KCNJ6: variants seen among roughly 807,000 people sequenced by gnomAD.
KCNJ6 encodes potassium inwardly rectifying channel subfamily J member 6, also known as G protein-activated inward rectifier potassium channel 2.
Under a neutral mutation model 34.2 loss-of-function variants are expected in KCNJ6, and 9 were observed. The ratio of observed to expected loss-of-function variants is 0.26; its 90% confidence interval spans 0.16 to 0.46. The LOEUF is 0.46. Among genes scored for constraint, KCNJ6 ranks in the 20% least tolerant of loss-of-function variants. The pLI, the probability that KCNJ6 is intolerant of heterozygous loss-of-function variation, is 1.00. For missense variants in KCNJ6, 236 were observed against 531.3 expected (o/e 0.44, Z 5.46); for synonymous variants, 196 against 207.1 (o/e 0.95, Z 0.46).
At position 37,883,402 on chromosome 21, in the gene KCNJ6, G is replaced by T. The variant is rs1344685071; in HGVS notation, c.-28+32482C>A. ...GGAATAGAGCCTGCAGACCCCTACAGATTACCCCTTTTAGCCCCAGCAGGA... is the reference window on the plus strand; with the variant it reads ...GGAATAGAGCCTGCAGACCCCTACATATTACCCCTTTTAGCCCCAGCAGGA... On this transcript the variant is annotated intron_variant, in intron 1 of 3. Coordinates refer to ENST00000609713, the MANE Select transcript of KCNJ6 (RefSeq NM_002240.5). Among the ~76,000 whole-genome samples the T allele has an allele frequency of 2.6e-5, 4 of 152,178 alleles. No individual in the cohort carries two copies. In the East Asian group the frequency reaches 7.7e-4, roughly 29 times the overall value.
chr21:37,647,606 C>T (rs1332956678), intron 3 of KCNJ6, among the ~76,000 whole-genome samples: 1 of 152,160 alleles, frequency 6.6e-6, no homozygotes, highest in East Asian at 1.9e-4. Context: ...TAATCCCCCC[C>T]AGAGTTAGGC....
At chr21:37,760,868 G>A (rs938082552) in intron 2 of KCNJ6, among the ~76,000 whole-genome samples, 1 of 152,170 alleles carries the variant, frequency 6.6e-6, no homozygotes, top group African/African-American at 2.4e-5. Context: ...TTCTGGAGGC[G>A]GGGTGGGGAA....
At chr21:37,802,832 G>A (rs1371714914) in intron 2 of KCNJ6, among the ~76,000 whole-genome samples, 1 of 152,168 alleles carries the variant, frequency 6.6e-6, no homozygotes, top group Non-Finnish European at 1.5e-5. Flanking sequence ...GACCTGCTTG[G>A]AAACACATCA....
At chr21:37,655,899 C>G (rs911325487) in intron 3 of KCNJ6, among the ~76,000 whole-genome samples, 1 of 152,158 alleles carries the variant, frequency 6.6e-6, no homozygotes, top group African/African-American at 2.4e-5. Flanking sequence ...TGGAACTTCC[C>G]CTATGTCTCT....
At chr21:37,696,849 ATATC>A (rs764593796) in intron 3 of KCNJ6, among the ~76,000 whole-genome samples, 23 of 152,240 alleles carry the variant, frequency 1.5e-4, no homozygotes, top group African/African-American at 5.3e-4. Context: ...ATGTGTGTCT[ATATC>A]TAGAGAGAAT....
At position 37,694,733 on chromosome 21, in the gene KCNJ6, C is replaced by T. The variant is rs180993298; in HGVS notation, c.946+19478G>A. 3.0e-3 allele frequency among the ~76,000 whole-genome samples: 460 copies of T among 152,296 alleles called. 3 individuals carry two copies. The highest frequency in any genetic ancestry group is 3.4e-3 in the Middle Eastern group (1 of 294). On this transcript the variant is annotated intron_variant, in intron 3 of 3. Transcript: ENST00000609713. ...ACCCCCCAAGTTCCTATGCTGAAGC[C>T]CTAACTCCCAATGTGACTGTACTTA... is the stretch of plus-strand genomic sequence containing the variant.
At chr21:37,719,585 A>ATTTAC (rs1435794556) in intron 2 of KCNJ6, 1 of 152,172 alleles carries the variant, frequency 6.6e-6, no homozygotes, top group East Asian at 1.9e-4. Flanking sequence ...AACTTTGATG[A>ATTTAC]TTTACTTGAC....
At chr21:37,907,824 A>C (rs548080429) in intron 1 of KCNJ6, among the ~76,000 whole-genome samples, 19 of 152,254 alleles carry the variant, frequency 1.2e-4, no homozygotes, top group African/African-American at 4.1e-4. Context: ...CTAATATTAC[A>C]TGGTTTGGAC....
chr21:37,675,740 C>A lies in KCNJ6; in HGVS notation c.946+38471G>T, dbSNP rs1408370652. On this transcript the variant is annotated intron_variant, in intron 3 of 3. Coordinates refer to ENST00000609713, the MANE Select transcript of KCNJ6 (RefSeq NM_002240.5). The surrounding 1 kb of genome is among the most constrained non-coding windows in gnomAD (Gnocchi z 4.2). ...GCAAGCAGGCTCTTATAGACTCTTA[C>A]ACCAAAAGAAGAATTTGGAGGTCCA... Among the ~76,000 whole-genome samples, 1 of 152,248 alleles carries A rather than the reference C, an allele frequency of 6.6e-6. No individual in the cohort carries two copies. Among genetic ancestry groups the A allele is most frequent in the African/African-American group, 2.4e-5 (1 of 41,472 alleles).
rs933339919 is a variant in KCNJ6, at chr21:37,609,809, A to G, written c.*15350T>C. On this transcript the variant is annotated 3_prime_UTR_variant, in exon 4 of 4. Transcript: ENST00000609713. ...GGATTTGGGTTAAAAGCAAATTGTC[A>G]GTAGCCTGCTGGAGCTGAAGGAATT... 5 of 152,180 alleles carry G rather than the reference A, an allele frequency of 3.3e-5. No homozygotes were observed. The highest frequency in any genetic ancestry group is 3.3e-4 in the Admixed American group (5 of 15,274). The allele number at this position is 152,180 out of a possible 1,614,324, so 9.4% of individuals were successfully genotyped here.
At chr21:37,628,811 T>C (rs1336006599) in intron 3 of KCNJ6, among the ~76,000 whole-genome samples, 1 of 152,164 alleles carries the variant, frequency 6.6e-6, no homozygotes, top group Non-Finnish European at 1.5e-5. Context: ...ACTCATTACA[T>C]GCAAGTGATT....
At chr21:37,797,957 C>T (rs999202022) in intron 2 of KCNJ6, among the ~76,000 whole-genome samples, 1 of 152,198 alleles carries the variant, frequency 6.6e-6, no homozygotes, top group Non-Finnish European at 1.5e-5. Context: ...TATTAACAAT[C>T]CTCCAATATT....
At chr21:37,655,025 G>A (rs1165680434) in intron 3 of KCNJ6, among the ~76,000 whole-genome samples, 3 of 152,174 alleles carry the variant, frequency 2.0e-5, no homozygotes, top group African/African-American at 7.2e-5. Flanking sequence ...ATGTGAGAGA[G>A]AGGTGGACCG....
rs989482575 is a variant in KCNJ6, at chr21:37,608,604, C to G, written c.*16555G>C. On this transcript the variant is annotated 3_prime_UTR_variant, in exon 4 of 4. Transcript: ENST00000609713. ...ATTCCAGCAAATTTGTTGTGCCTGTCCCTCTTCGTTTAGGTATTTCTAAAA... is the reference window on the plus strand; with the variant it reads ...ATTCCAGCAAATTTGTTGTGCCTGTGCCTCTTCGTTTAGGTATTTCTAAAA... 1.3e-5 allele frequency: 2 copies of G among 152,236 alleles called. No individual in the cohort carries two copies. The highest frequency in any genetic ancestry group is 4.8e-5 in the African/African-American group (2 of 41,460). 9.4% of individuals were successfully genotyped at this position (152,236 alleles called of 1,614,324 possible).
At chr21:37,780,104 A>T (rs2123511288) in intron 2 of KCNJ6, among the ~76,000 whole-genome samples, 1 of 152,268 alleles carries the variant, frequency 6.6e-6, no homozygotes, top group South Asian at 2.1e-4. Flanking sequence ...AAGATAAGGA[A>T]ATAATGTGAA....
At chr21:37,751,609 C>A (rs922422363) in intron 2 of KCNJ6, among the ~76,000 whole-genome samples, 1 of 152,252 alleles carries the variant, frequency 6.6e-6, no homozygotes, top group Non-Finnish European at 1.5e-5. Flanking sequence ...GATGCTCCAA[C>A]TCTGAGGGTG....
At chr21:37,754,879 C>T (rs1324443824) in intron 2 of KCNJ6, among the ~76,000 whole-genome samples, 7 of 152,174 alleles carry the variant, frequency 4.6e-5, no homozygotes. Flanking sequence ...GGCACCGTCT[C>T]AGAGCTGAGG....
rs192216249 is a variant in KCNJ6, at chr21:37,776,617, T to C, written c.26-61486A>G. On this transcript the variant is annotated intron_variant, in intron 2 of 3. Coordinates refer to ENST00000609713, the MANE Select transcript of KCNJ6 (RefSeq NM_002240.5). ...ATCTATTGAGATAATCACGTGGTTT[T>C]TGTCATTGGTTCTGTTTATATGCTG... 1.8e-3 allele frequency among the ~76,000 whole-genome samples: 276 copies of C among 152,346 alleles called. 1 individual carries two copies. The highest frequency in any genetic ancestry group is 6.4e-3 in the African/African-American group (265 of 41,586).
intron 2 of KCNJ6, among the ~76,000 whole-genome samples, chr21:37,742,100 C>T (rs575735256): frequency 3.9e-4 from 59 of 152,326 alleles, no homozygotes; most frequent in African/African-American, 1.4e-3. Flanking sequence ...TAGAAATGGA[C>T]ATCCTGTGTG....
Sources: allele counts gnomAD v4.1 joint callset (sites outside exome capture counted in the v4.1 genomes callset), GRCh38; gene constraint gnomAD v4.1.1; non-coding constraint Gnocchi (gnomAD v3.1); transcripts MANE v1.5; gene names NCBI Gene and HGNC (gene_info 2026-07-23, HGNC 2026-07-21).